UBR2: variants seen among roughly 807,000 people sequenced by gnomAD.
The protein encoded by UBR2 is ubiquitin protein ligase E3 component n-recognin 2.
A neutral mutation model predicts 247.9 loss-of-function variants in UBR2; 92 were observed. The ratio of observed to expected loss-of-function variants is 0.37; its 90% CI spans 0.31 to 0.44. The LOEUF (loss-of-function observed/expected upper bound fraction) is 0.44, where lower values mean the gene tolerates loss of function less well. Among genes scored for constraint, UBR2 ranks in the 20% least tolerant of loss-of-function variants. The probability of loss-of-function intolerance (pLI) is 1.00; values close to 1 mark genes in which losing one functional copy is unlikely to be tolerated. For missense variants in UBR2, 1,613 were observed against 2,112.6 expected (o/e 0.76, Z 4.64); for synonymous variants, 672 against 693.5 (o/e 0.97, Z 0.49).
intron 21 of UBR2, 87 bp from the exon 22 acceptor site, chr6:42,648,031 T>A: frequency 9.6e-7 from 1 of 1,042,710 alleles, no homozygotes; most frequent in East Asian, 2.4e-5. Flanking sequence ...CCTTAGGTTG[T>A]TATGAGGGTC....
At chr6:42,619,439 A>ATTTTTTTTTTT (rs1562318106) in intron 11 of UBR2, 1 of 22,854 alleles carries the variant, frequency 4.4e-5, no homozygotes, top group Admixed American at 6.9e-4. Context: ...ATATATATAT[A>ATTTTTTTTTTT]TATATATATA....
chr6:42,569,331 C>T (rs1790971946), intron 1 of UBR2, among the ~76,000 whole-genome samples: 1 of 152,070 alleles, frequency 6.6e-6, no homozygotes, highest in African/African-American at 2.4e-5. Context: ...TTGTTTTTGC[C>T]TGTGTTTTGA....
intron 13 of UBR2, among the ~76,000 whole-genome samples, chr6:42,633,922 G>C (rs1795924894): frequency 1.3e-5 from 2 of 151,284 alleles, no homozygotes; most frequent in African/African-American, 2.4e-5. Flanking sequence ...GTAGAGACGA[G>C]GTTTCACCAA....
intron 11 of UBR2, among the ~76,000 whole-genome samples, chr6:42,625,234 A>G (rs887750117): frequency 2.0e-5 from 3 of 152,154 alleles, no homozygotes; most frequent in African/African-American, 7.2e-5. Context: ...TAATAGGACT[A>G]TTCAGATTTC....
At chr6:42,687,675 G>A (rs1423260187) in intron 44 of UBR2, among the ~76,000 whole-genome samples, 1 of 151,986 alleles carries the variant, frequency 6.6e-6, no homozygotes, top group Non-Finnish European at 1.5e-5. Flanking sequence ...AAAGTAGCTG[G>A]GACTACAGGT....
Position 42,605,719 on chromosome 6 carries a change from A to T in UBR2, c.663-2A>T. The T allele has an allele frequency of 6.3e-7, 1 of 1,594,246 alleles. No individual in the cohort carries two copies. Among genetic ancestry groups the T allele is most frequent in the Non-Finnish European group, 8.5e-7 (1 of 1,174,758 alleles). The stretch of plus-strand genomic sequence containing the variant: ...ATATATCATGAATATTTTATCACAC[A>T]GAGAGAAGAGTGACACCTACTATTG... On this transcript the variant is annotated splice_acceptor_variant, in intron 5 of 46. Coordinates refer to ENST00000372901, the MANE Select transcript of UBR2 (RefSeq NM_001363705.2). LOFTEE classifies it high-confidence loss of function.
chr6:42,646,846 G>A (rs952551149), intron 21 of UBR2, among the ~76,000 whole-genome samples: 1 of 151,440 alleles, frequency 6.6e-6, no homozygotes, highest in East Asian at 1.9e-4. Context: ...GAGAGAGATA[G>A]AGTCTGGCTT....
chr6:42,631,660 G>A (rs1795719231), intron 11 of UBR2, among the ~76,000 whole-genome samples: 1 of 151,244 alleles, frequency 6.6e-6, no homozygotes, highest in Non-Finnish European at 1.5e-5. Flanking sequence ...AAGTAGACCT[G>A]GTTAAAAAGA....
chr6:42,658,390 T>C (rs1797564501), intron 28 of UBR2, 70 bp downstream of exon 28: 2 of 1,419,652 alleles, frequency 1.4e-6, no homozygotes, highest in African/African-American at 1.5e-5. Flanking sequence ...AATAAATTTA[T>C]CTACATTAAG....
Position 42,658,664 on chromosome 6 carries a change from A to G in UBR2, c.3082A>G (p.Lys1028Glu). 6.2e-7 allele frequency: 1 copy of G among 1,610,904 alleles called. No individual in the cohort carries two copies. The highest frequency in any genetic ancestry group is 8.5e-7 in the Non-Finnish European group (1 of 1,179,100). ...IMEESSRDKD[K>E]AERKRKAEIA... The stretch of plus-strand genomic sequence containing the variant: ...ATTTCAGAGTTCAAGGGACAAAGAC[A>G]AAGCTGAGAGGAAGAGAAAAGCAGA... The change falls in exon 29 of 47, where the codon AAA becomes GAA. Residue 1028 changes from lysine (K) to glutamate (E), a missense_variant. Transcript: ENST00000372901.
At chr6:42,600,808 C>T (rs1270084090) in intron 4 of UBR2, among the ~76,000 whole-genome samples, 1 of 151,534 alleles carries the variant, frequency 6.6e-6, no homozygotes, top group Non-Finnish European at 1.5e-5. Flanking sequence ...GCATGCACCA[C>T]TACTCTCTGC....
chr6:42,655,792 C>T, intron 26 of UBR2, 69 bp downstream of exon 26: 2 of 924,162 alleles, frequency 2.2e-6, no homozygotes, highest in Non-Finnish European at 3.1e-6. Flanking sequence ...TTAATAACCT[C>T]TTTTATTTGA....
chr6:42,677,222 G>A (rs1178585665), intron 40 of UBR2, among the ~76,000 whole-genome samples: 1 of 152,148 alleles, frequency 6.6e-6, no homozygotes, highest in Non-Finnish European at 1.5e-5. Context: ...AAAACTGCAA[G>A]TTAAATTGGC....
Position 42,687,842 on chromosome 6 carries a change from A to G in UBR2, c.4854-374A>G, listed in dbSNP as rs148354320. ...AGGCGTGAGCCACTGCACCCAGCCA[A>G]TTTTGCATTCATTCAGCATTGTTTC... is the stretch of plus-strand genomic sequence containing the variant. On this transcript the variant is annotated intron_variant, in intron 44 of 46. Transcript: ENST00000372901. Among the ~76,000 whole-genome samples, 1,166 of 152,268 alleles carry G rather than the reference A, an allele frequency of 7.7e-3. 25 individuals are homozygous for G. Among genetic ancestry groups the G allele is most frequent in the African/African-American group, 0.027 (1,115 of 41,550 alleles).
chr6:42,586,546 T>TG (rs1792287044), intron 2 of UBR2, among the ~76,000 whole-genome samples: 1 of 149,230 alleles, frequency 6.7e-6, no homozygotes, highest in Non-Finnish European at 1.5e-5. Context: ...CTCTTTTTTT[T>TG]TTTTTTTTTT....
chr6:42,593,160 C>T (rs573468723), intron 3 of UBR2, among the ~76,000 whole-genome samples: 8 of 152,006 alleles, frequency 5.3e-5, no homozygotes, highest in African/African-American at 1.2e-4. Context: ...GGCGACAGAG[C>T]GAGACTCCAT....
chr6:42,650,499 A>G, intron 23 of UBR2, 113 bp downstream of exon 23: 1 of 811,312 alleles, frequency 1.2e-6, no homozygotes, highest in East Asian at 2.8e-5. Context: ...CAATGCCATT[A>G]TAGAGCATTG....
intron 40 of UBR2, among the ~76,000 whole-genome samples, chr6:42,677,718 G>T (rs1798795564): frequency 6.6e-6 from 1 of 152,100 alleles, no homozygotes; most frequent in Non-Finnish European, 1.5e-5. Flanking sequence ...AGGCTGCAGT[G>T]AGCCATCACA....
chr6:42,605,633 G>T, intron 5 of UBR2, 88 bp from the exon 6 acceptor site: 1 of 1,231,744 alleles, frequency 8.1e-7, no homozygotes, highest in Non-Finnish European at 1.1e-6. Context: ...CTAGCACATT[G>T]CATAGGACAA....
Sources: gnomAD v4.1 joint callset for allele counts (sites outside exome capture counted in the v4.1 genomes callset) on GRCh38, gnomAD v4.1.1 for gene constraint, MANE v1.5 for transcripts, NCBI Gene and HGNC (gene_info 2026-07-23, HGNC 2026-07-21) for gene names.